GPC5: variants seen among roughly 807,000 people sequenced by gnomAD.
GPC5 encodes glypican 5.
GPC5 carries 47 observed loss-of-function variants against 53.9 expected under a neutral mutation model. The observed-to-expected ratio is 0.87, with a 90% CI of 0.69 to 1.11. GPC5 has a LOEUF of 1.11. Ranked by LOEUF, GPC5 falls within the 50% of genes most tolerant of loss-of-function variation. The probability of loss-of-function intolerance (pLI) is 0.00; values close to 1 mark genes in which losing one functional copy is unlikely to be tolerated. For synonymous variants in GPC5, 286 were observed against 263.3 expected (o/e 1.09, Z -0.84); for missense variants, 748 against 713.1 (o/e 1.05, Z -0.56).
chr13:92,467,258 G>A (rs1164192214), intron 7 of GPC5, among the ~76,000 whole-genome samples: 1 of 152,030 alleles, frequency 6.6e-6, no homozygotes, highest in African/African-American at 2.4e-5. Context: ...GTTTGAAGAC[G>A]ATTAAAGAGA....
chr13:92,646,064 A>T (rs1885756355), intron 7 of GPC5, among the ~76,000 whole-genome samples: 1 of 151,976 alleles, frequency 6.6e-6, no homozygotes, highest in Non-Finnish European at 1.5e-5. Context: ...TTTATTATTT[A>T]TCCTGTTTTC....
At chr13:91,673,138 G>A (rs759317179) in intron 2 of GPC5, among the ~76,000 whole-genome samples, 31 of 152,124 alleles carry the variant, frequency 2.0e-4, no homozygotes, top group Admixed American at 6.5e-4. Context: ...CAGCAAACCA[G>A]CATGGCACGC....
At chr13:91,768,706 G>T (rs551314849) in intron 5 of GPC5, among the ~76,000 whole-genome samples, 48 of 152,164 alleles carry the variant, frequency 3.2e-4, no homozygotes, top group African/African-American at 1.2e-3. Flanking sequence ...AATAAATACG[G>T]TTAAATTATT....
intron 2 of GPC5, among the ~76,000 whole-genome samples, chr13:91,499,801 A>T (rs369210662): frequency 7.0e-4 from 106 of 152,316 alleles, no homozygotes; most frequent in African/African-American, 2.5e-3. Context: ...AATTTCTGAC[A>T]CCTCAATCTA....
chr13:92,597,385 T>A (rs1883917728), intron 7 of GPC5, among the ~76,000 whole-genome samples: 1 of 152,188 alleles, frequency 6.6e-6, no homozygotes, highest in Non-Finnish European at 1.5e-5. Flanking sequence ...AGACGGATAC[T>A]TTAGCTACAT....
At chr13:92,226,095 C>T (rs1005891025) in intron 7 of GPC5, among the ~76,000 whole-genome samples, 2 of 152,132 alleles carry the variant, frequency 1.3e-5, no homozygotes, top group Non-Finnish European at 2.9e-5. Context: ...GTGGCACTTC[C>T]CCTCTTGCTC....
chr13:92,453,100 A>G (rs1350197784), intron 7 of GPC5, among the ~76,000 whole-genome samples: 1 of 152,156 alleles, frequency 6.6e-6, no homozygotes, highest in Admixed American at 6.5e-5. Flanking sequence ...AATCCATATG[A>G]ATGTGATTAT....
intron 7 of GPC5, among the ~76,000 whole-genome samples, chr13:92,268,978 C>A (rs2042821848): frequency 6.6e-6 from 1 of 151,832 alleles, no homozygotes; most frequent in Admixed American, 6.6e-5. Flanking sequence ...TTGTTATATT[C>A]ATATTTATAT....
chr13:92,389,737 A>G (rs748146080), intron 7 of GPC5, among the ~76,000 whole-genome samples: 1 of 152,198 alleles, frequency 6.6e-6, no homozygotes, highest in Non-Finnish European at 1.5e-5. Flanking sequence ...CACTAAATAT[A>G]AAGACAAGCA....
chr13:91,806,058 C>G (rs571872435), intron 5 of GPC5, among the ~76,000 whole-genome samples: 4 of 101,872 alleles, frequency 3.9e-5, no homozygotes, highest in Admixed American at 1.4e-4. Context: ...TTTTGGAGAC[C>G]GAGTCTTTCC....
chr13:92,390,890 T>G (rs1162935544), intron 7 of GPC5, among the ~76,000 whole-genome samples: 2 of 152,274 alleles, frequency 1.3e-5, no homozygotes, highest in Admixed American at 6.5e-5. Context: ...ATTTAGGGCT[T>G]TGGTTCAACT....
At chr13:91,485,359 C>T (rs987205720) in intron 2 of GPC5, among the ~76,000 whole-genome samples, 3 of 152,010 alleles carry the variant, frequency 2.0e-5, no homozygotes, top group African/African-American at 7.2e-5. Context: ...ATTACAGGTG[C>T]ATACCACCAT....
intron 6 of GPC5, among the ~76,000 whole-genome samples, chr13:92,115,379 G>A (rs189847126): frequency 1.3e-5 from 2 of 152,250 alleles, no homozygotes; most frequent in Non-Finnish European, 2.9e-5. Flanking sequence ...GGGGGTGCAT[G>A]CCTATAGTCT....
chr13:92,561,745 A>C (rs1882702052), intron 7 of GPC5, among the ~76,000 whole-genome samples: 1 of 152,074 alleles, frequency 6.6e-6, no homozygotes, highest in Non-Finnish European at 1.5e-5. Flanking sequence ...TTATTAAGAA[A>C]GAAAGTTTAG....
At chr13:91,602,933 C>A (rs2033227212) in intron 2 of GPC5, among the ~76,000 whole-genome samples, 1 of 152,148 alleles carries the variant, frequency 6.6e-6, no homozygotes, top group Admixed American at 6.5e-5. Flanking sequence ...GAGTTATGTG[C>A]CTTTTCTCAA....
chr13:92,052,909 G>A (rs569378191), intron 6 of GPC5, among the ~76,000 whole-genome samples: 14 of 152,210 alleles, frequency 9.2e-5, no homozygotes, highest in South Asian at 2.1e-4. Context: ...CAAGGGTCCC[G>A]AAAAGCAAAA....
chr13:92,789,312 C>CTT (rs1420274612), intron 7 of GPC5, among the ~76,000 whole-genome samples: 1 of 152,132 alleles, frequency 6.6e-6, no homozygotes, highest in African/African-American at 2.4e-5. Context: ...TTCTGTTGAA[C>CTT]TTTACCATAG....
intron 7 of GPC5, among the ~76,000 whole-genome samples, chr13:92,342,706 A>T (rs1359365882): frequency 6.6e-6 from 1 of 152,146 alleles, no homozygotes; most frequent in Non-Finnish European, 1.5e-5. Context: ...ACAATCATAA[A>T]TGATTCCTTG....
intron 7 of GPC5, among the ~76,000 whole-genome samples, chr13:92,862,696 AG>A (rs1879222558): frequency 6.6e-6 from 1 of 152,148 alleles, no homozygotes; most frequent in Non-Finnish European, 1.5e-5. Context: ...GTGAAGGAAA[AG>A]GCTGTAAGTA....
Sources: gnomAD v4.1 joint callset for allele counts (sites outside exome capture counted in the v4.1 genomes callset) on GRCh38, gnomAD v4.1.1 for gene constraint, MANE v1.5 for transcripts, NCBI Gene and HGNC (gene_info 2026-07-23, HGNC 2026-07-21) for gene names.